PDE4D: variants seen among roughly 807,000 people sequenced by gnomAD.
PDE4D encodes phosphodiesterase 4D.
In PDE4D, 24 loss-of-function variants were observed where a neutral mutation model predicts 87.4. The observed-to-expected ratio is 0.27, with a 90% confidence interval of 0.20 to 0.39. PDE4D has a LOEUF of 0.39. PDE4D is among the 10% of genes least tolerant of loss of function. PDE4D has a pLI of 1.00. For missense variants in PDE4D, 714 were observed against 1,041.0 expected (o/e 0.69, Z 4.32); for synonymous variants, 384 against 383.2 (o/e 1.00, Z -0.02).
intron 1 of PDE4D, among the ~76,000 whole-genome samples, chr5:59,673,226 T>C (rs778584566): frequency 4.6e-5 from 7 of 152,188 alleles, no homozygotes; most frequent in Non-Finnish European, 1.0e-4. Context: ...AGAATGCAAT[T>C]TATCTTCTTG....
At chr5:60,108,010 G>T (rs1024896407) in intron 2 of PDE4D, among the ~76,000 whole-genome samples, 1 of 152,068 alleles carries the variant, frequency 6.6e-6, no homozygotes, top group Non-Finnish European at 1.5e-5. Context: ...TCTGACCAGG[G>T]CAATTAAGCA....
chr5:59,558,944 TG>T (rs1208512480), intron 1 of PDE4D, among the ~76,000 whole-genome samples: 1 of 152,078 alleles, frequency 6.6e-6, no homozygotes, highest in Non-Finnish European at 1.5e-5. Flanking sequence ...TGTATGAGGT[TG>T]GGGGTAGTGA....
chr5:59,142,679 G>A (rs112414869), intron 5 of PDE4D, among the ~76,000 whole-genome samples: 5,114 of 152,310 alleles, frequency 0.034, 294 homozygotes, highest in African/African-American at 0.12. Context: ...GCTCATGCCT[G>A]TAATCCCAGC....
intron 2 of PDE4D, among the ~76,000 whole-genome samples, chr5:60,170,329 T>C (rs1257148702): frequency 6.6e-6 from 1 of 151,836 alleles, no homozygotes; most frequent in Admixed American, 6.6e-5. Context: ...TAGCAACTGA[T>C]AGGCTAGCCT....
intron 1 of PDE4D, among the ~76,000 whole-genome samples, chr5:59,319,979 T>C (rs1454362000): frequency 3.3e-5 from 5 of 151,978 alleles, no homozygotes; most frequent in Admixed American, 6.6e-5. Flanking sequence ...GCACCATTTC[T>C]AAAGCAGTGA....
At chr5:59,657,449 G>C (rs1273871681) in intron 1 of PDE4D, among the ~76,000 whole-genome samples, 1 of 151,922 alleles carries the variant, frequency 6.6e-6, no homozygotes, top group African/African-American at 2.4e-5. Flanking sequence ...AATCATTAGA[G>C]CTCAAATGAA....
At chr5:59,443,526 A>C (rs545808371) in intron 1 of PDE4D, among the ~76,000 whole-genome samples, 1 of 152,340 alleles carries the variant, frequency 6.6e-6, no homozygotes, top group Non-Finnish European at 1.5e-5. Context: ...GAAAATCAAT[A>C]GTGTGATTAT....
chr5:59,996,393 A>G (rs1763530767), intron 2 of PDE4D, among the ~76,000 whole-genome samples: 1 of 152,210 alleles, frequency 6.6e-6, no homozygotes. Context: ...TTTGTAGTAT[A>G]AACAAGATAA....
At position 59,681,201 on chromosome 5, in the gene PDE4D, A is replaced by G. The variant is rs375720262; in HGVS notation, c.455+211967T>C. On this transcript the variant is annotated intron_variant, in intron 1 of 14. Coordinates refer to ENST00000340635, the MANE Select transcript of PDE4D (RefSeq NM_001104631.2). ...AAAAAAGTACTCAAAGAATGATAGT[A>G]ACGTGTTAAAATGACAAGGGAGTCA... Among the ~76,000 whole-genome samples the G allele has an allele frequency of 7.2e-5, 11 of 152,322 alleles. No individual in the cohort carries two copies. In the East Asian group the frequency reaches 1.2e-3, roughly 16 times the overall value.
chr5:59,201,445 A>G (rs1747355871), intron 2 of PDE4D, among the ~76,000 whole-genome samples: 1 of 152,168 alleles, frequency 6.6e-6, no homozygotes, highest in Non-Finnish European at 1.5e-5. Context: ...TTCCAAAAAT[A>G]ATGTTCACTC....
chr5:59,817,613 T>TA (rs1315391199), intron 1 of PDE4D, among the ~76,000 whole-genome samples: 5 of 152,172 alleles, frequency 3.3e-5, no homozygotes, highest in Non-Finnish European at 5.9e-5. Flanking sequence ...ATAGGGCTTT[T>TA]AGTCAGTAAA....
At chr5:60,091,651 T>C (rs860374) in intron 2 of PDE4D, among the ~76,000 whole-genome samples, 2 of 151,936 alleles carry the variant, frequency 1.3e-5, no homozygotes, top group Admixed American at 1.3e-4. Flanking sequence ...TTTAAAAAAT[T>C]AAATCACTGT....
chr5:59,975,333 T>C (rs754820371), intron 3 of PDE4D, among the ~76,000 whole-genome samples: 135 of 152,320 alleles, frequency 8.9e-4, no homozygotes, highest in Middle Eastern at 3.4e-3. Flanking sequence ...CCCTTCTATG[T>C]CTTGAACATA....
intron 5 of PDE4D, among the ~76,000 whole-genome samples, chr5:59,129,129 G>T (rs963252405): frequency 6.6e-6 from 1 of 152,160 alleles, no homozygotes; most frequent in Non-Finnish European, 1.5e-5. Context: ...TTTGATTAAA[G>T]TGATATTTCA....
intron 1 of PDE4D, among the ~76,000 whole-genome samples, chr5:60,400,880 C>T (rs921258539): frequency 2.0e-5 from 3 of 152,236 alleles, no homozygotes; most frequent in East Asian, 1.9e-4. Context: ...TGCAGTGAGC[C>T]GAGATCATGT....
chr5:59,903,009 T>C (rs1167621637), intron 3 of PDE4D, among the ~76,000 whole-genome samples: 14 of 152,174 alleles, frequency 9.2e-5, no homozygotes, highest in Admixed American at 7.9e-4. Flanking sequence ...TAAAAATTTT[T>C]GTGAAGTGGT....
chr5:60,006,782 T>A (rs1764540141), intron 2 of PDE4D, among the ~76,000 whole-genome samples: 1 of 151,980 alleles, frequency 6.6e-6, no homozygotes, highest in African/African-American at 2.4e-5. Flanking sequence ...AAGTGCTTCT[T>A]TTCTTTTTTC....
chr5:59,818,881 A>C lies in PDE4D; in HGVS notation c.455+74287T>G, dbSNP rs575279904. ...AAAAAAAAAGTAGATAAAAAAAAAA[A>C]CACAAGAAATAGAGTAGCAGGAGTG... On this transcript the variant is annotated intron_variant, in intron 1 of 14. Transcript: ENST00000340635. 1.4e-4 allele frequency among the ~76,000 whole-genome samples: 21 copies of C among 149,028 alleles called. No individual in the cohort carries two copies. The South Asian group carries it at 2.5e-3, about 18-fold the overall frequency.
chr5:60,199,662 C>T (rs992075680), intron 1 of PDE4D, among the ~76,000 whole-genome samples: 4 of 151,386 alleles, frequency 2.6e-5, no homozygotes, highest in African/African-American at 4.8e-5. Context: ...GTAATATAAG[C>T]GAAAGCATAT....
Sources: gnomAD v4.1 joint callset for allele counts (sites outside exome capture counted in the v4.1 genomes callset) on GRCh38, gnomAD v4.1.1 for gene constraint, MANE v1.5 for transcripts, NCBI Gene and HGNC (gene_info 2026-07-23, HGNC 2026-07-21) for gene names.